The following DUSP5 variants were observed in gnomAD, a reference collection of about 807,000 sequenced individuals.
DUSP5 encodes the protein dual specificity phosphatase 5.
DUSP5 carries 22 observed loss-of-function variants against 33.6 expected under a neutral mutation model. The ratio of observed to expected loss-of-function variants is 0.66; its 90% CI spans 0.47 to 0.94. The LOEUF is 0.94. Among genes scored for constraint, DUSP5 ranks in the 40% least tolerant of loss-of-function variants. The pLI, the probability that DUSP5 is intolerant of heterozygous loss-of-function variation, is 0.00. For synonymous variants in DUSP5, 270 were observed against 231.1 expected (o/e 1.17, Z -1.53); for missense variants, 551 against 522.1 (o/e 1.06, Z -0.54).
intron 2 of DUSP5, among the ~76,000 whole-genome samples, chr10:110,503,119 T>C (rs1860076749): frequency 6.6e-6 from 1 of 152,206 alleles, no homozygotes; most frequent in South Asian, 2.1e-4. Flanking sequence ...ACAGGATGCT[T>C]GGCAGCTTCT....
Position 110,497,941 on chromosome 10 carries a change from C to A in DUSP5, c.-181C>A, listed in dbSNP as rs920826912. 8.0e-5 allele frequency: 27 copies of A among 338,986 alleles called. No individual in the cohort carries two copies. Among genetic ancestry groups the A allele is most frequent in the Non-Finnish European group, 1.0e-4 (24 of 239,578 alleles). 21.0% of individuals were successfully genotyped at this position (338,986 alleles called of 1,614,324 possible). ...GGCGGCGAGCGGCCGGGCTGGCTATCGAGCGAGCGGGGCGGGAACGCGGAG... is the reference window on the plus strand; with the variant it reads ...GGCGGCGAGCGGCCGGGCTGGCTATAGAGCGAGCGGGGCGGGAACGCGGAG... On this transcript the variant is annotated 5_prime_UTR_variant, in exon 1 of 4. Coordinates refer to ENST00000369583, the MANE Select transcript of DUSP5 (RefSeq NM_004419.4).
At chr10:110,509,914 C>T in intron 3 of DUSP5, 106 bp from the exon 4 acceptor site, 2 of 1,442,342 alleles carry the variant, frequency 1.4e-6, no homozygotes, top group Non-Finnish European at 1.9e-6. Flanking sequence ...CTTAGGCAGG[C>T]ACAACAGTTT....
intron 2 of DUSP5, 23 bp downstream of exon 2, chr10:110,502,892 GGT>G: frequency 6.2e-7 from 1 of 1,613,864 alleles, no homozygotes. Context: ...ATGGGGAAGA[GGT>G]ATCCTGAGTG....
intron 1 of DUSP5, among the ~76,000 whole-genome samples, chr10:110,502,381 A>G (rs1860064328): frequency 6.6e-6 from 1 of 152,238 alleles, no homozygotes; most frequent in Non-Finnish European, 1.5e-5. Context: ...CCTTTTAGAT[A>G]AACAAGAGAG....
chr10:110,499,584 G>A (rs114606853), intron 1 of DUSP5, among the ~76,000 whole-genome samples: 101 of 152,330 alleles, frequency 6.6e-4, no homozygotes, highest in African/African-American at 2.2e-3. Flanking sequence ...CATGCAACTT[G>A]AGTTTCACAC....
intron 1 of DUSP5, 91 bp from the exon 2 acceptor site, chr10:110,502,630 A>G: frequency 6.8e-7 from 1 of 1,461,840 alleles, no homozygotes; most frequent in East Asian, 2.3e-5. Context: ...TAACTGTGTA[A>G]CACTCAGAGT....
chr10:110,501,967 G>T (rs182639320), intron 1 of DUSP5, among the ~76,000 whole-genome samples: 5 of 144,298 alleles, frequency 3.5e-5, no homozygotes, highest in Admixed American at 1.4e-4. Context: ...TTATTGATTG[G>T]GGGGGGGGTG....
At chr10:110,498,869 A>G (rs1860000132) in intron 1 of DUSP5, among the ~76,000 whole-genome samples, 1 of 151,634 alleles carries the variant, frequency 6.6e-6, no homozygotes, top group Non-Finnish European at 1.5e-5. Context: ...GGCCTTCCTG[A>G]TAGACTGATC....
At chr10:110,508,158 C>T (rs190836292) in intron 3 of DUSP5, among the ~76,000 whole-genome samples, 28 of 152,272 alleles carry the variant, frequency 1.8e-4, no homozygotes, top group Admixed American at 1.8e-3. Flanking sequence ...TTCTGCTCCC[C>T]AGGAAACCCT....
intron 1 of DUSP5, among the ~76,000 whole-genome samples, chr10:110,499,523 T>TCAGA (rs58217362): frequency 0.29 from 44,462 of 151,886 alleles, 6,732 homozygotes; most frequent in East Asian, 0.4. Context: ...GTGTTGGGGA[T>TCAGA]CAGAGCTCGG....
chr10:110,502,684 C>G lies in DUSP5; in HGVS notation c.380-37C>G, dbSNP rs375289199. On this transcript the variant is annotated intron_variant, in intron 1 of 3. Coordinates refer to ENST00000369583, the MANE Select transcript of DUSP5 (RefSeq NM_004419.4). ...TTTTTGACAGCGTGAGAAATTGATGCTTACCATCTGTCTCACCTTTTTGTT... is the reference window on the plus strand; with the variant it reads ...TTTTTGACAGCGTGAGAAATTGATGGTTACCATCTGTCTCACCTTTTTGTT... 3.4e-4 allele frequency: 552 copies of G among 1,603,894 alleles called. 2 individuals carry two copies. Among genetic ancestry groups the G allele is most frequent in the Non-Finnish European group, 3.8e-4 (448 of 1,173,010 alleles).
Position 110,510,093 on chromosome 10 carries a change from C to T in DUSP5, c.822C>T (p.Cys274=), listed in dbSNP as rs1342968416. 1.9e-6 allele frequency: 3 copies of T among 1,614,160 alleles called. No homozygotes were observed. The highest frequency in any genetic ancestry group is 2.5e-6 in the Non-Finnish European group (3 of 1,180,022). ...EAGISRSPTI[C]MAYLMKTKQF... is the part of the protein sequence containing the mutation. ...GGATCTCCCGTTCACCCACCATCTG[C>T]ATGGCTTACCTTATGAAGACCAAGC... The change falls in exon 4 of 4, where the codon TGC becomes TGT. Residue 274 remains cysteine (C), a synonymous_variant. Transcript: ENST00000369583.
At chr10:110,500,839 C>T (rs913726138) in intron 1 of DUSP5, among the ~76,000 whole-genome samples, 2 of 152,196 alleles carry the variant, frequency 1.3e-5, no homozygotes, top group Admixed American at 1.3e-4. Context: ...CTGGAGGATT[C>T]CTCTGAATCC....
chr10:110,503,043 T>C (rs1860075786), intron 2 of DUSP5, among the ~76,000 whole-genome samples, 174 bp downstream of exon 2: 1 of 152,218 alleles, frequency 6.6e-6, no homozygotes, highest in East Asian at 1.9e-4. Context: ...GCTTGCCAGC[T>C]TGAGCTTCCA....
intron 2 of DUSP5, among the ~76,000 whole-genome samples, chr10:110,506,661 C>T (rs1362883066): frequency 6.6e-6 from 1 of 152,188 alleles, no homozygotes; most frequent in African/African-American, 2.4e-5. Flanking sequence ...AGGCTGTCGG[C>T]ATATCCTGCC....
At position 110,506,845 on chromosome 10, in the gene DUSP5, A is replaced by G. The variant is rs1478389974; in HGVS notation, c.529-90A>G. On this transcript the variant is annotated intron_variant, in intron 2 of 3. Transcript: ENST00000369583. The stretch of plus-strand genomic sequence containing the variant: ...AACCAGAAAGGGAACCACCCATCTT[A>G]AGAAACAAATAGGTCGGAGTTGTTT... The G allele has an allele frequency of 2.1e-6, 3 of 1,395,658 alleles. No individual in the cohort carries two copies. In the African/African-American group the frequency reaches 4.3e-5, roughly 20 times the overall value. The allele number at this position is 1,395,658 out of a possible 1,614,324, so 86.5% of individuals were successfully genotyped here. A position where few individuals can be genotyped will look rare whatever the true frequency, so the allele number is the denominator to read the frequency against.
intron 2 of DUSP5, among the ~76,000 whole-genome samples, chr10:110,506,039 T>C (rs1405886967): frequency 6.6e-6 from 1 of 152,204 alleles, no homozygotes; most frequent in African/African-American, 2.4e-5. Context: ...TATTTTCATT[T>C]CTAAAAAGCA....
rs1156761670 is a variant in DUSP5 at position 110,511,382 on chromosome 10, T to A, written c.*956T>A. On this transcript the variant is annotated 3_prime_UTR_variant, in exon 4 of 4. Transcript: ENST00000369583. ...GGGATTTGCAGATTTTGCAACGTGG[T>A]ACTACTTTTTTTTTCTTTTTGTCTG... is the stretch of plus-strand genomic sequence containing the variant. 6.6e-6 allele frequency: 1 copy of A among 152,652 alleles called. No homozygotes were observed. The highest frequency in any genetic ancestry group is 2.4e-5 in the African/African-American group (1 of 41,456). The allele number at this position is 152,652 out of a possible 1,614,324, so 9.5% of individuals were successfully genotyped here. A position where few individuals can be genotyped will look rare whatever the true frequency, so the allele number is the denominator to read the frequency against.
At chr10:110,500,416 A>C (rs770543348) in intron 1 of DUSP5, among the ~76,000 whole-genome samples, 2 of 152,238 alleles carry the variant, frequency 1.3e-5, no homozygotes, top group Non-Finnish European at 2.9e-5. Context: ...TTTCAGTAGA[A>C]ATTGCTTCAT....
Sources: gnomAD v4.1 joint callset for allele counts (sites outside exome capture counted in the v4.1 genomes callset) on GRCh38, gnomAD v4.1.1 for gene constraint, MANE v1.5 for transcripts, NCBI Gene and HGNC (gene_info 2026-07-23, HGNC 2026-07-21) for gene names.